Variants in ZNF550 observed in about 807,000 individuals in gnomAD.
The protein encoded by ZNF550 is zinc finger protein 550.
A neutral mutation model predicts 40.2 loss-of-function variants in ZNF550; 42 were observed. The ratio of observed to expected loss-of-function variants is 1.05; its 90% CI spans 0.82 to 1.35. ZNF550 has a LOEUF of 1.35. Among genes scored for constraint, ZNF550 ranks in the 40% most tolerant of loss-of-function variants. ZNF550 has a pLI of 0.00. For synonymous variants in ZNF550, 223 were observed against 198.6 expected (o/e 1.12, Z -1.03); for missense variants, 549 against 525.2 (o/e 1.05, Z -0.44).
intron 3 of ZNF550, among the ~76,000 whole-genome samples, chr19:57,551,420 G>A (rs905068514): frequency 1.3e-5 from 2 of 151,958 alleles, no homozygotes; most frequent in Non-Finnish European, 2.9e-5. Flanking sequence ...ATGAGAGCCC[G>A]GACTAGGGTG....
At chr19:57,544,196 G>A in intron 4 of ZNF550, 7 of 985,464 alleles carry the variant, frequency 7.1e-6, no homozygotes, top group Non-Finnish European at 8.4e-6. Context: ...AACAGTGAGT[G>A]GCCATGGAGC....
intron 2 of ZNF550, chr19:57,552,959 T>A: frequency 6.8e-6 from 3 of 439,448 alleles, no homozygotes; most frequent in Non-Finnish European, 1.2e-5. Flanking sequence ...AGACAGGATC[T>A]TTAGAAGGTA....
intron 3 of ZNF550, among the ~76,000 whole-genome samples, chr19:57,549,206 G>C (rs2090050885): frequency 6.6e-6 from 1 of 152,206 alleles, no homozygotes; most frequent in Non-Finnish European, 1.5e-5. Context: ...ATAAATGCTT[G>C]AGGTGACAGA....
At chr19:57,546,682 G>A (rs2090012746) in exon 4 of ZNF550, 2 of 1,157,716 alleles carry the variant, frequency 1.7e-6, no homozygotes, top group Non-Finnish European at 1.1e-6. Flanking sequence ...TCCAGCATGA[G>A]TTCTCTGATG....
exon 4 of ZNF550, chr19:57,547,117 C>T (rs1305721514): frequency 1.2e-6 from 2 of 1,614,072 alleles, no homozygotes; most frequent in East Asian, 2.2e-5. Flanking sequence ...GGCTTTCCCA[C>T]ACTGGGTGCA....
exon 4 of ZNF550, chr19:57,547,523 T>C (rs201442480): frequency 6.2e-7 from 1 of 1,613,990 alleles, no homozygotes; most frequent in South Asian, 1.1e-5. Context: ...GAGCTCTGGC[T>C]AAAGGCTTTC....
chr19:57,546,423 G>T (rs1047757041), intron 4 of ZNF550: 100 of 924,450 alleles, frequency 1.1e-4, no homozygotes, highest in Admixed American at 2.5e-4. Context: ...TGATCTTACA[G>T]GGAAGTCTGT....
chr19:57,543,159 C>G (rs2089976566), exon 5 of ZNF550: 1 of 821,532 alleles, frequency 1.2e-6, no homozygotes, highest in Non-Finnish European at 1.5e-6. Flanking sequence ...TTGCTTCTTT[C>G]ATTTCCTTCG....
At chr19:57,552,406 A>G (rs1242646589) in intron 3 of ZNF550, 1 of 508,430 alleles carries the variant, frequency 2.0e-6, no homozygotes, top group Non-Finnish European at 3.5e-6. Flanking sequence ...CAGAGCAACC[A>G]TAAAGATTCC....
chr19:57,559,766 G>A lies in ZNF550; in HGVS notation c.-84C>T, dbSNP rs1276890037. The A allele has an allele frequency of 1.8e-5, 22 of 1,252,286 alleles. No individual in the cohort carries two copies. In the Middle Eastern group the frequency reaches 8.6e-4, roughly 49 times the overall value. 77.6% of individuals were successfully genotyped at this position (1,252,286 alleles called of 1,614,324 possible). Reference sequence around the variant, plus strand: ...CCGGGTCCTACAACGGTGCGGAGGTGAGCCCCAGTCGCCCTACCATCCTTC... The same window carrying A: ...CCGGGTCCTACAACGGTGCGGAGGTAAGCCCCAGTCGCCCTACCATCCTTC... On this transcript the variant is annotated 5_prime_UTR_variant, in exon 1 of 5. Coordinates refer to ENST00000457177, the Ensembl canonical transcript of ZNF550.
chr19:57,547,813 G>A lies in ZNF550; in HGVS notation c.431C>T (p.Thr144Ile), dbSNP rs75496843. Residue 144 changes from threonine (T) to isoleucine (I), a missense_variant, in exon 4 of 5, where the codon ACA (threonine) becomes ATA (isoleucine). Thr to Ile is a moderately conservative substitution (Grantham distance 89). Transcript: ENST00000457177. ...AAGATGGGTCTCCTTGTGGAGGTCT[G>A]TCTCCGGTGTCACTTTACCTTTCTG... is the stretch of plus-strand genomic sequence containing the variant. 6.0e-4 allele frequency: 968 copies of A among 1,614,066 alleles called. 7 individuals are homozygous for A. The African/African-American group carries it at 0.012, about 20-fold the overall frequency.
intron 2 of ZNF550, chr19:57,555,139 G>A (rs1429356309): frequency 6.6e-6 from 1 of 152,108 alleles, no homozygotes; most frequent in Non-Finnish European, 1.5e-5. Flanking sequence ...TTTTGCTCTG[G>A]TAAGTGAGAA....
intron 4 of ZNF550, among the ~76,000 whole-genome samples, chr19:57,545,945 C>G (rs1334633164): frequency 6.6e-6 from 1 of 152,076 alleles, no homozygotes; most frequent in South Asian, 2.1e-4. Flanking sequence ...CCCAGGAGTT[C>G]GAGGTTACAG....
At chr19:57,545,710 C>T (rs770506934) in intron 4 of ZNF550, among the ~76,000 whole-genome samples, 1 of 152,010 alleles carries the variant, frequency 6.6e-6, no homozygotes, top group Non-Finnish European at 1.5e-5. Context: ...AGCAAGACCT[C>T]ATCTATACAA....
intron 4 of ZNF550, chr19:57,544,626 C>A (rs2089992132): frequency 1.0e-6 from 1 of 984,946 alleles, no homozygotes; most frequent in African/African-American, 1.7e-5. Flanking sequence ...ACCAAGAATT[C>A]TATTTATAAT....
rs1469345008 is a variant in ZNF550 at position 57,542,635 on chromosome 19, A to G, written c.*1127T>C. On this transcript the variant is annotated 3_prime_UTR_variant, in exon 5 of 5. Coordinates refer to ENST00000457177, the Ensembl canonical transcript of ZNF550. ...AGAATTGTGAGGTCTACAATAAAACATAATTTAAAAATAATTTAATACCAC... is the reference window on the plus strand; with the variant it reads ...AGAATTGTGAGGTCTACAATAAAACGTAATTTAAAAATAATTTAATACCAC... The G allele has an allele frequency of 3.3e-5, 5 of 152,204 alleles. No individual in the cohort carries two copies. In the East Asian group the frequency reaches 5.8e-4, roughly 18 times the overall value. The allele number at this position is 152,204 out of a possible 1,614,324, so 9.4% of individuals were successfully genotyped here.
At chr19:57,546,961 G>A (rs111521556) in exon 4 of ZNF550, 45,408 of 1,592,876 alleles carry the variant, frequency 0.029, 795 homozygotes, top group African/African-American at 0.055. Context: ...ATTCATTGCA[G>A]CAATAGGGTT....
chr19:57,543,473 C>G, intron 4 of ZNF550: 1 of 391,234 alleles, frequency 2.6e-6, no homozygotes. Context: ...AATTTACCGT[C>G]CACATTTCCT....
exon 4 of ZNF550, chr19:57,547,668 T>C (rs1358668323): frequency 2.5e-6 from 4 of 1,614,164 alleles, no homozygotes; most frequent in East Asian, 4.5e-5. Flanking sequence ...TCAAGGCGTC[T>C]TTCCCTGGTT....
Sources: allele counts gnomAD v4.1 joint callset (sites outside exome capture counted in the v4.1 genomes callset), GRCh38; gene constraint gnomAD v4.1.1; transcripts MANE v1.5; gene names NCBI Gene and HGNC (gene_info 2026-07-23, HGNC 2026-07-21).